The following SLIT3 variants were observed in gnomAD, a reference collection of about 807,000 sequenced individuals.
SLIT3 encodes slit homolog 3 protein.
In SLIT3, 68 loss-of-function variants were observed where a neutral mutation model predicts 184.0. That is an observed-to-expected ratio of 0.37 (90% CI 0.30 to 0.45). SLIT3 has a LOEUF of 0.45. SLIT3 is among the 20% of genes least tolerant of loss of function. The pLI is 1.00. For synonymous variants in SLIT3, 831 were observed against 828.6 expected, an observed-to-expected ratio of 1.00 and a Z score of -0.05; for missense variants, 1,707 against 2,026.0, an observed-to-expected ratio of 0.84 and a Z score of 3.02.
chr5:168,760,793 C>A, intron 16 of SLIT3, 69 bp downstream of exon 16: 1 of 1,153,336 alleles, frequency 8.7e-7, no homozygotes, highest in Non-Finnish European at 1.3e-6. Flanking sequence ...TCCCCTGGTT[C>A]CTCTAGTCTA....
At chr5:169,061,488 T>A (rs1017373757) in intron 4 of SLIT3, among the ~76,000 whole-genome samples, 10 of 152,160 alleles carry the variant, frequency 6.6e-5, no homozygotes, top group East Asian at 3.9e-4. Context: ...CTCCCTACAA[T>A]CCACCCATGG....
At chr5:168,830,328 A>G (rs1008685577) in intron 6 of SLIT3, among the ~76,000 whole-genome samples, 2 of 152,152 alleles carry the variant, frequency 1.3e-5, no homozygotes, top group East Asian at 3.9e-4. Flanking sequence ...TGTTTCCCTC[A>G]TCTCCAGGTT....
rs768126985 is a variant in SLIT3, at chr5:168,806,574, C to G, written c.807G>C (p.Glu269Asp). Residue 269 changes from glutamate (E) to aspartate (D), a missense_variant, in exon 9 of 36, where the codon GAG becomes GAC. By Grantham distance (45) the Glu-to-Asp change is conservative (BLOSUM62 2). This residue lies in a region of SLIT3 where 1,307 missense variants were observed against 1,511.6 expected (regional missense o/e 0.86). Transcript: ENST00000519560. ...TGGAGTTGGCATTGCAGGATGGGGG[C>G]TCCGAGTGGGGGGCTGTGGAGCCAA... ...KEYVCPAPHS[E>D]PPSCNANSIS... 2 of 1,614,110 alleles carry G rather than the reference C, an allele frequency of 1.2e-6. No homozygotes were observed. Among genetic ancestry groups the G allele is most frequent in the Admixed American group, 1.7e-5 (1 of 60,014 alleles).
At chr5:169,052,546 G>T (rs1009184438) in intron 4 of SLIT3, among the ~76,000 whole-genome samples, 5 of 152,158 alleles carry the variant, frequency 3.3e-5, no homozygotes, top group African/African-American at 9.7e-5. Context: ...GCGAGGCCAC[G>T]TAAGACTTCC....
At chr5:169,209,081 TC>T (rs1180567967) in intron 3 of SLIT3, among the ~76,000 whole-genome samples, 2 of 144,856 alleles carry the variant, frequency 1.4e-5, no homozygotes, top group Non-Finnish European at 3.0e-5. Flanking sequence ...ATATTCAGAA[TC>T]TACAAAGAAC....
rs959829806 is a variant in SLIT3, at chr5:168,806,587, G to C, written c.794C>G (p.Ala265Gly). 1 of 1,614,022 alleles carries C rather than the reference G, an allele frequency of 6.2e-7. No homozygotes were observed. Among genetic ancestry groups the C allele is most frequent in the Non-Finnish European group, 8.5e-7 (1 of 1,180,022 alleles). Reference protein sequence around the residue: ...DVQKKEYVCPAPHSEPPSCNA... With the variant: ...DVQKKEYVCPGPHSEPPSCNA... ...GCAGGATGGGGGCTCCGAGTGGGGG[G>C]CTGTGGAGCCAAGACACAACGGTCA... Residue 265 changes from alanine (A) to glycine (G), a missense_variant and splice_region_variant, in exon 9 of 36, where the codon GCC becomes GGC. Physicochemically the swap from Ala to Gly is moderately conservative, Grantham distance 60. Around this residue, in one of 3 missense-constraint regions of SLIT3, gnomAD observed 1,307 missense variants for 1,511.6 expected, o/e 0.86. Coordinates refer to ENST00000519560, the MANE Select transcript of SLIT3 (RefSeq NM_003062.4).
intron 4 of SLIT3, among the ~76,000 whole-genome samples, chr5:169,112,317 G>A (rs1036053098): frequency 6.6e-6 from 1 of 152,218 alleles, no homozygotes; most frequent in African/African-American, 2.4e-5. Context: ...TGCAGTTGGT[G>A]GAGAGACAGC....
chr5:169,295,217 C>T (rs1411708793), intron 1 of SLIT3, among the ~76,000 whole-genome samples: 1 of 152,264 alleles, frequency 6.6e-6, no homozygotes, highest in Non-Finnish European at 1.5e-5. Flanking sequence ...CCACCGTCCT[C>T]TATGTTGTCC....
intron 4 of SLIT3, among the ~76,000 whole-genome samples, chr5:168,977,073 G>A (rs1010542273): frequency 6.6e-6 from 1 of 152,130 alleles, no homozygotes; most frequent in South Asian, 2.1e-4. Flanking sequence ...GGCCCAGGAG[G>A]GAAGTTAATG....
At chr5:169,071,721 C>T (rs1270641737) in intron 4 of SLIT3, among the ~76,000 whole-genome samples, 2 of 152,164 alleles carry the variant, frequency 1.3e-5, no homozygotes, top group Non-Finnish European at 2.9e-5. Flanking sequence ...AACTGCCTGG[C>T]GGTCCCTTTC....
intron 4 of SLIT3, among the ~76,000 whole-genome samples, chr5:169,122,084 G>A (rs555298351): frequency 6.6e-6 from 1 of 152,172 alleles, no homozygotes; most frequent in African/African-American, 2.4e-5. Context: ...GGCCAGCTTG[G>A]CCCCAGACTG....
intron 4 of SLIT3, among the ~76,000 whole-genome samples, chr5:168,930,380 A>G (rs1332813251): frequency 4.6e-5 from 7 of 152,208 alleles, no homozygotes; most frequent in Non-Finnish European, 1.0e-4. Flanking sequence ...AAAAATAGGC[A>G]GACACATTTG....
intron 2 of SLIT3, among the ~76,000 whole-genome samples, chr5:169,245,245 G>A (rs941578103): frequency 1.3e-5 from 2 of 151,944 alleles, no homozygotes; most frequent in Admixed American, 6.6e-5. Flanking sequence ...AACCAGCCTG[G>A]TCCCAGGAAC....
chr5:168,844,608 C>A lies in SLIT3; in HGVS notation c.533G>T (p.Arg178Leu). 6.2e-7 allele frequency: 1 copy of A among 1,614,180 alleles called. No individual in the cohort carries two copies. The highest frequency in any genetic ancestry group is 8.5e-7 in the Non-Finnish European group (1 of 1,180,038). Residue 178 changes from arginine (R) to leucine (L), a missense_variant, in exon 6 of 36, where the codon CGA becomes CTA. Around this residue, in one of 3 missense-constraint regions of SLIT3, gnomAD observed 1,307 missense variants for 1,511.6 expected, o/e 0.86. Coordinates refer to ENST00000519560, the MANE Select transcript of SLIT3 (RefSeq NM_003062.4). Reference protein sequence around the residue: ...HISCIEDGAFRALRDLEILTL... With the variant: ...HISCIEDGAFLALRDLEILTL... ...CAGGATCTCCAAATCGCGCAGCGCT[C>A]GGAAGGCTCCATCTTCAATGCAGCT...
At chr5:169,250,420 A>G (rs934980577) in intron 2 of SLIT3, among the ~76,000 whole-genome samples, 12 of 152,228 alleles carry the variant, frequency 7.9e-5, no homozygotes, top group African/African-American at 2.7e-4. Context: ...CGTATTCCCT[A>G]TACTGCAGAT....
chr5:169,149,054 G>A (rs577651107), intron 4 of SLIT3, among the ~76,000 whole-genome samples: 1 of 152,276 alleles, frequency 6.6e-6, no homozygotes, highest in African/African-American at 2.4e-5. Context: ...AAGCTACAGA[G>A]CTATTAAGTG....
intron 20 of SLIT3, among the ~76,000 whole-genome samples, chr5:168,728,343 T>C (rs1317212718): frequency 6.7e-6 from 1 of 149,492 alleles, no homozygotes; most frequent in African/African-American, 2.5e-5. Flanking sequence ...TTTCAAACAA[T>C]TAGAACAAGT....
intron 1 of SLIT3, among the ~76,000 whole-genome samples, chr5:169,293,669 C>T (rs932607971): frequency 2.6e-5 from 4 of 152,136 alleles, no homozygotes; most frequent in Admixed American, 2.0e-4. Context: ...GTGACAGAAC[C>T]GGGCTTTGGG....
intron 3 of SLIT3, among the ~76,000 whole-genome samples, chr5:169,223,963 TAC>T (rs1764705065): frequency 6.6e-6 from 1 of 152,168 alleles, no homozygotes; most frequent in African/African-American, 2.4e-5. Flanking sequence ...GTGTACAAGG[TAC>T]ACAAAAGAAA....
Sources: allele counts gnomAD v4.1 joint callset (sites outside exome capture counted in the v4.1 genomes callset), GRCh38; gene constraint gnomAD v4.1.1; regional missense constraint gnomAD v4.1.1; transcripts MANE v1.5; gene names NCBI Gene and HGNC (gene_info 2026-07-23, HGNC 2026-07-21).